EFNA5: variants seen among roughly 807,000 people sequenced by gnomAD.
EFNA5 encodes the protein ephrin-A5.
A neutral mutation model predicts 22.9 loss-of-function variants in EFNA5; 5 were observed. That is an observed-to-expected ratio of 0.22 (90% CI 0.11 to 0.46). The LOEUF (loss-of-function observed/expected upper bound fraction) is 0.46, where lower values mean the gene tolerates loss of function less well. Ranked by LOEUF, EFNA5 falls within the 20% of genes least tolerant of loss-of-function variation. EFNA5 has a pLI of 0.99. For synonymous variants in EFNA5, 113 were observed against 112.2 expected (o/e 1.01, Z -0.04); for missense variants, 237 against 293.3 (o/e 0.81, Z 1.40).
chr5:107,526,161 G>A (rs952718959), intron 1 of EFNA5, among the ~76,000 whole-genome samples: 10 of 152,154 alleles, frequency 6.6e-5, no homozygotes, highest in African/African-American at 1.7e-4. Context: ...AGGGATCCAG[G>A]AAGTTTTCTA....
intron 1 of EFNA5, among the ~76,000 whole-genome samples, chr5:107,519,134 C>T (rs1037451807): frequency 1.3e-5 from 2 of 152,150 alleles, no homozygotes; most frequent in Admixed American, 6.5e-5. Flanking sequence ...CTTGAATTAC[C>T]CTGTCGTTGT....
intron 1 of EFNA5, among the ~76,000 whole-genome samples, chr5:107,606,228 GTGGTATTA>G (rs1327255304): frequency 6.6e-6 from 1 of 151,988 alleles, no homozygotes; most frequent in African/African-American, 2.4e-5. Context: ...TTCCCAAACT[GTGGTATTA>G]TTACCTGTAA....
chr5:107,593,221 C>T (rs1353813142), intron 1 of EFNA5, among the ~76,000 whole-genome samples: 1 of 152,180 alleles, frequency 6.6e-6, no homozygotes, highest in African/African-American at 2.4e-5. Flanking sequence ...CTTATGTGCA[C>T]TCCTCATTGT....
chr5:107,455,097 C>T (rs970039145), intron 1 of EFNA5, among the ~76,000 whole-genome samples: 51 of 152,186 alleles, frequency 3.4e-4, no homozygotes, highest in African/African-American at 1.1e-3. Flanking sequence ...TGTCAGTCAG[C>T]TGATGTCAAA....
intron 1 of EFNA5, among the ~76,000 whole-genome samples, chr5:107,588,244 A>T (rs1332387152): frequency 2.6e-5 from 4 of 152,154 alleles, no homozygotes; most frequent in Non-Finnish European, 5.9e-5. Context: ...TAAAAAAAAA[A>T]AGCAACAGAG....
At chr5:107,391,094 G>A (rs142390841) in intron 2 of EFNA5, among the ~76,000 whole-genome samples, 3 of 152,308 alleles carry the variant, frequency 2.0e-5, no homozygotes, top group East Asian at 3.9e-4. Flanking sequence ...AGGAGGCAGA[G>A]GTTGCAGTGA....
chr5:107,475,506 A>G (rs1750262755), intron 1 of EFNA5, among the ~76,000 whole-genome samples: 1 of 152,194 alleles, frequency 6.6e-6, no homozygotes, highest in African/African-American at 2.4e-5. Flanking sequence ...GTCCACGTCA[A>G]AGGATCTGGT....
rs1748839313 is a variant in EFNA5 at position 107,572,584 on chromosome 5, G to C, written c.125+97905C>G. 2.6e-5 allele frequency among the ~76,000 whole-genome samples: 4 copies of C among 152,318 alleles called. No individual in the cohort carries two copies. In the South Asian group the frequency reaches 8.3e-4, roughly 32 times the overall value. On this transcript the variant is annotated intron_variant, in intron 1 of 4. Coordinates refer to ENST00000333274, the MANE Select transcript of EFNA5 (RefSeq NM_001962.3). Reference sequence around the variant, plus strand: ...GGACTAACTGCCCTTTTAGAAGTTAGAGTTTACTATAACGTTAACAGTAAT... The same window carrying C: ...GGACTAACTGCCCTTTTAGAAGTTACAGTTTACTATAACGTTAACAGTAAT...
At chr5:107,432,671 G>A (rs1337837907) in intron 1 of EFNA5, among the ~76,000 whole-genome samples, 1 of 152,148 alleles carries the variant, frequency 6.6e-6, no homozygotes, top group Non-Finnish European at 1.5e-5. Context: ...TGTTTTCACA[G>A]TGTAAAAGTC....
At chr5:107,446,244 T>C (rs895464870) in intron 1 of EFNA5, among the ~76,000 whole-genome samples, 3 of 152,336 alleles carry the variant, frequency 2.0e-5, no homozygotes, top group African/African-American at 7.2e-5. Flanking sequence ...GCTCAGTATG[T>C]ATTAAAACAA....
chr5:107,655,578 C>T (rs540851419), intron 1 of EFNA5, among the ~76,000 whole-genome samples: 3 of 152,152 alleles, frequency 2.0e-5, no homozygotes, highest in Admixed American at 1.3e-4. Context: ...GATAATTTCC[C>T]TTATGAATTA....
chr5:107,594,462 G>T (rs1045355513), intron 1 of EFNA5, among the ~76,000 whole-genome samples: 10 of 152,170 alleles, frequency 6.6e-5, no homozygotes, highest in African/African-American at 2.4e-4. Context: ...GGGTGTGGCA[G>T]TGAGAGGTTT....
At chr5:107,592,140 G>A (rs1423385563) in intron 1 of EFNA5, among the ~76,000 whole-genome samples, 3 of 132,642 alleles carry the variant, frequency 2.3e-5, no homozygotes, top group Non-Finnish European at 4.6e-5. Context: ...TAGAATAAAT[G>A]AGTCAATGAA....
intron 1 of EFNA5, among the ~76,000 whole-genome samples, chr5:107,655,278 A>G (rs985828058): frequency 1.2e-4 from 19 of 152,258 alleles, no homozygotes; most frequent in African/African-American, 4.6e-4. Context: ...AACTCATAGC[A>G]AGCTCATTCC....
chr5:107,495,495 A>G (rs1158784735), intron 1 of EFNA5, among the ~76,000 whole-genome samples: 1 of 152,242 alleles, frequency 6.6e-6, no homozygotes, highest in South Asian at 2.1e-4. Context: ...AGTGAGACCA[A>G]GAACCCACCA....
intron 1 of EFNA5, among the ~76,000 whole-genome samples, chr5:107,584,824 CTA>C: frequency 6.6e-6 from 1 of 152,316 alleles, no homozygotes; most frequent in East Asian, 1.9e-4. Flanking sequence ...TGCTAAAATA[CTA>C]TGAGGCTCCA....
intron 1 of EFNA5, among the ~76,000 whole-genome samples, chr5:107,668,961 C>T (rs906777487): frequency 1.3e-5 from 2 of 152,248 alleles, no homozygotes; most frequent in East Asian, 1.9e-4. Context: ...TTGAACCAAA[C>T]TTTCAGGAAT....
intron 1 of EFNA5, among the ~76,000 whole-genome samples, chr5:107,652,062 T>C (rs1750746478): frequency 6.6e-6 from 1 of 152,188 alleles, no homozygotes; most frequent in East Asian, 1.9e-4. Context: ...AATATTGCTG[T>C]GAACCTAAAG....
At chr5:107,667,191 T>C (rs1273264475) in intron 1 of EFNA5, among the ~76,000 whole-genome samples, 1 of 152,112 alleles carries the variant, frequency 6.6e-6, no homozygotes, top group Non-Finnish European at 1.5e-5. Context: ...ATATTTCTAT[T>C]CAAACTGATA....
Sources: gnomAD v4.1 joint callset for allele counts (sites outside exome capture counted in the v4.1 genomes callset) on GRCh38, gnomAD v4.1.1 for gene constraint, MANE v1.5 for transcripts, NCBI Gene and HGNC (gene_info 2026-07-23, HGNC 2026-07-21) for gene names.